Variants in DNAH11 observed in about 807,000 individuals in gnomAD.
DNAH11 encodes the protein axonemal beta dynein heavy chain 11.
DNAH11 carries 442 observed loss-of-function variants against 526.0 expected under a neutral mutation model. That is an observed-to-expected ratio of 0.84 (90% CI 0.78 to 0.91). The LOEUF is 0.91. DNAH11 is among the 40% of genes least tolerant of loss of function. DNAH11 has a pLI of 0.00. For missense variants in DNAH11, 6,989 were observed against 5,448.7 expected, an observed-to-expected ratio of 1.28 and a Z score of -8.90; for synonymous variants, 2,461 against 1,935.9, an observed-to-expected ratio of 1.27 and a Z score of -7.12.
At position 21,846,030 on chromosome 7, in the gene DNAH11, A is replaced by G. The variant is rs566550181; in HGVS notation, c.10896+3282A>G. Among the ~76,000 whole-genome samples, 23 of 152,264 alleles carry G rather than the reference A, an allele frequency of 1.5e-4. No homozygotes were observed. The East Asian group carries it at 1.9e-3, about 13-fold the overall frequency. The stretch of plus-strand genomic sequence containing the variant: ...ATTGTGTTTTAAATTTCAAATTCCA[A>G]TTGTTTAAAGCTGGTGTATAGAAGA... On this transcript the variant is annotated intron_variant, in intron 66 of 81. Coordinates refer to ENST00000409508, the MANE Select transcript of DNAH11 (RefSeq NM_001277115.2).
chr7:21,714,022 CA>C (rs1334942567), intron 42 of DNAH11, among the ~76,000 whole-genome samples: 1 of 152,172 alleles, frequency 6.6e-6, no homozygotes, highest in Non-Finnish European at 1.5e-5. Context: ...TCATTTCCTT[CA>C]TGAGACCTCT....
chr7:21,705,241 A>G (rs1269641828), intron 38 of DNAH11, among the ~76,000 whole-genome samples: 2 of 152,196 alleles, frequency 1.3e-5, no homozygotes, highest in Non-Finnish European at 2.9e-5. Context: ...TACTGCGTAA[A>G]ATCGTGGGTT....
At chr7:21,785,529 A>G (rs1439239259) in intron 58 of DNAH11, among the ~76,000 whole-genome samples, 1 of 152,220 alleles carries the variant, frequency 6.6e-6, no homozygotes, top group African/African-American at 2.4e-5. Context: ...TTCTTTTGGT[A>G]AGAATATGTG....
intron 55 of DNAH11, among the ~76,000 whole-genome samples, chr7:21,767,409 G>T (rs969201098): frequency 6.6e-6 from 1 of 152,102 alleles, no homozygotes; most frequent in East Asian, 1.9e-4. Flanking sequence ...GTCCAGGTGG[G>T]TGCCACTTTG....
Position 21,658,877 on chromosome 7 carries a change from A to C in DNAH11, c.5174A>C (p.Tyr1725Ser). The change falls in exon 30 of 82, where the codon TAC (tyrosine) becomes TCC (serine). Residue 1725 changes from tyrosine to serine, a missense_variant. Transcript: ENST00000409508. ...RHSITEAIVA[Y>S]EEKPRELWIF... ...TCTATAACAGAAGCCATAGTGGCCT[A>C]CGAGGAAAAACCTAGGGAACTGTGG... The C allele has an allele frequency of 6.2e-7, 1 of 1,608,816 alleles. No homozygotes were observed. The highest frequency in any genetic ancestry group is 8.5e-7 in the Non-Finnish European group (1 of 1,177,616).
intron 6 of DNAH11, among the ~76,000 whole-genome samples, chr7:21,568,244 T>C (rs1245648053): frequency 6.6e-6 from 1 of 152,202 alleles, no homozygotes; most frequent in African/African-American, 2.4e-5. Context: ...TAGTTCATCC[T>C]AAATCTAGTG....
chr7:21,844,596 G>A (rs9969255), intron 66 of DNAH11, among the ~76,000 whole-genome samples: 12,627 of 152,160 alleles, frequency 0.083, 1,773 homozygotes, highest in African/African-American at 0.29. Flanking sequence ...TGCCACCCTG[G>A]TATAAATCAG....
chr7:21,726,041 T>C (rs761202313), intron 45 of DNAH11, 57 bp downstream of exon 45: 2 of 1,425,772 alleles, frequency 1.4e-6, no homozygotes, highest in East Asian at 2.6e-5. Flanking sequence ...CTATAAAAAA[T>C]ACCTGCAACT....
chr7:21,547,738 T>C (rs1231563167), intron 2 of DNAH11, among the ~76,000 whole-genome samples: 3 of 152,226 alleles, frequency 2.0e-5, no homozygotes, highest in Admixed American at 1.3e-4. Flanking sequence ...AGTACTTAGA[T>C]TTATCATGCC....
intron 1 of DNAH11, 144 bp downstream of exon 1, chr7:21,543,740 CA>C (rs764477986): frequency 4.9e-4 from 398 of 809,570 alleles, no homozygotes; most frequent in Admixed American, 9.5e-4. Context: ...CTGAGGCCCG[CA>C]GGACTCCTCC....
At position 21,588,167 on chromosome 7, in the gene DNAH11, T is replaced by C. The variant is rs1474507652; in HGVS notation, c.1814T>C (p.Val605Ala). The C allele has an allele frequency of 3.1e-6, 5 of 1,613,118 alleles. No individual in the cohort carries two copies. The highest frequency in any genetic ancestry group is 2.5e-6 in the Non-Finnish European group (3 of 1,179,624). Residue 605 changes from valine to alanine, a missense_variant, in exon 10 of 82, where the codon GTG becomes GCG. Val to Ala is a moderately conservative substitution (Grantham distance 64). Coordinates refer to ENST00000409508, the MANE Select transcript of DNAH11 (RefSeq NM_001277115.2). The stretch of plus-strand genomic sequence containing the variant: ...CATATGTTTAATACAGAGCTGGATG[T>C]GTGTAAGCAACTGTATAATGAACAC... Reference protein sequence around the residue: ...LVHMFNTELDVCKQLYNEHMK... With the variant: ...LVHMFNTELDACKQLYNEHMK...
At chr7:21,711,177 G>A (rs1476478898) in intron 41 of DNAH11, among the ~76,000 whole-genome samples, 1 of 152,172 alleles carries the variant, frequency 6.6e-6, no homozygotes, top group East Asian at 1.9e-4. Context: ...TGACGGTACA[G>A]GTCTGTGAGA....
intron 54 of DNAH11, among the ~76,000 whole-genome samples, chr7:21,764,174 G>T (rs1303596641): frequency 6.6e-6 from 1 of 152,034 alleles, no homozygotes; most frequent in Non-Finnish European, 1.5e-5. Context: ...TAAGAGGGTA[G>T]ATCTCATGTT....
intron 72 of DNAH11, among the ~76,000 whole-genome samples, chr7:21,868,487 G>T (rs1783372782): frequency 1.4e-5 from 1 of 74,000 alleles, no homozygotes; most frequent in Non-Finnish European, 3.0e-5. Context: ...TTTACCCAAT[G>T]AACAGATCCA....
chr7:21,625,158 C>T (rs931769411), intron 25 of DNAH11, among the ~76,000 whole-genome samples: 2 of 151,944 alleles, frequency 1.3e-5, no homozygotes, highest in Non-Finnish European at 1.5e-5. Flanking sequence ...TGAAGCCCTC[C>T]TGTCCTAGGC....
In DNAH11 at chr7:21,892,529, G is replaced by A. The variant is rs73683005; in HGVS notation, c.12612G>A (p.Pro4204=). The change falls in exon 77 of 82, where the codon CCG becomes CCA. Residue 4204 remains proline (P), a synonymous_variant. Coordinates refer to ENST00000409508, the MANE Select transcript of DNAH11 (RefSeq NM_001277115.2). ...YIEEMLPPES[P]ALYGLHPNAE... ...AGGAGATGCTTCCTCCAGAAAGCCC[G>A]GCACTGTATGGCCTCCACCCAAATG... 18 of 1,613,754 alleles carry A rather than the reference G, an allele frequency of 1.1e-5. No homozygotes were observed. The highest frequency in any genetic ancestry group is 5.3e-5 in the African/African-American group (4 of 74,872).
intron 25 of DNAH11, among the ~76,000 whole-genome samples, chr7:21,625,241 C>A (rs1786273844): frequency 6.6e-6 from 1 of 151,880 alleles, no homozygotes; most frequent in South Asian, 2.1e-4. Flanking sequence ...TTTATTTCTT[C>A]TTGATTCAGT....
At chr7:21,836,196 A>G (rs114391972) in intron 65 of DNAH11, among the ~76,000 whole-genome samples, 1,607 of 152,258 alleles carry the variant, frequency 0.011, 35 homozygotes, top group African/African-American at 0.036. Context: ...TACACGTTCA[A>G]TGTAATCCTT....
intron 8 of DNAH11, among the ~76,000 whole-genome samples, chr7:21,572,204 A>T (rs1583491519): frequency 6.6e-6 from 1 of 152,268 alleles, no homozygotes; most frequent in East Asian, 1.9e-4. Flanking sequence ...TGCAGACCTC[A>T]GTCTGGATTT....
Sources: allele counts gnomAD v4.1 joint callset (sites outside exome capture counted in the v4.1 genomes callset), GRCh38; gene constraint gnomAD v4.1.1; transcripts MANE v1.5; gene names NCBI Gene and HGNC (gene_info 2026-07-23, HGNC 2026-07-21).